EXOC4: variants seen among roughly 807,000 people sequenced by gnomAD.
EXOC4 encodes exocyst complex component 4, also known as SEC8-like 1.
A neutral mutation model predicts 107.2 loss-of-function variants in EXOC4; 71 were observed. The observed-to-expected ratio is 0.66, with a 90% CI of 0.55 to 0.81. The LOEUF (loss-of-function observed/expected upper bound fraction) is 0.81. Ranked by LOEUF, EXOC4 falls within the 30% of genes least tolerant of loss-of-function variation. The probability of loss-of-function intolerance (pLI) is 0.00; values close to 1 mark genes in which losing one functional copy is unlikely to be tolerated. For synonymous variants in EXOC4, 456 were observed against 441.2 expected, an observed-to-expected ratio of 1.03 and a Z score of -0.42; for missense variants, 1,108 against 1,189.6, an observed-to-expected ratio of 0.93 and a Z score of 1.01.
At chr7:133,972,695 T>G (rs886218361) in intron 14 of EXOC4, among the ~76,000 whole-genome samples, 36 of 152,336 alleles carry the variant, frequency 2.4e-4, no homozygotes, top group Middle Eastern at 3.4e-3. Flanking sequence ...CCCAGAAATT[T>G]TCACTGTCTA....
intron 9 of EXOC4, among the ~76,000 whole-genome samples, chr7:133,516,412 G>GTCTTT: frequency 6.6e-6 from 1 of 151,998 alleles, no homozygotes; most frequent in East Asian, 1.9e-4. Context: ...CTAAAAAATT[G>GTCTTT]TCTTTTCTGG....
At chr7:134,041,129 A>C (rs1795506755) in intron 17 of EXOC4, among the ~76,000 whole-genome samples, 1 of 152,214 alleles carries the variant, frequency 6.6e-6, no homozygotes, top group Non-Finnish European at 1.5e-5. Context: ...ATCCTAAATA[A>C]GGGAGACTTT....
At chr7:133,852,099 C>CT (rs1290954148) in intron 11 of EXOC4, among the ~76,000 whole-genome samples, 1 of 152,100 alleles carries the variant, frequency 6.6e-6, no homozygotes, top group African/African-American at 2.4e-5. Context: ...GTTCTCAAGC[C>CT]TTATTAGAAT....
intron 9 of EXOC4, among the ~76,000 whole-genome samples, chr7:133,604,724 T>C (rs1220501479): frequency 4.3e-5 from 5 of 115,800 alleles, no homozygotes; most frequent in African/African-American, 1.0e-4. Context: ...TTTTTTTTTT[T>C]TTTTTTTTTT....
chr7:133,672,485 G>A (rs1793970163), intron 10 of EXOC4, among the ~76,000 whole-genome samples: 1 of 151,884 alleles, frequency 6.6e-6, no homozygotes, highest in African/African-American at 2.4e-5. Context: ...TATGTGTGTA[G>A]TGGTTACTTA....
At chr7:133,428,030 C>A (rs1797767461) in intron 7 of EXOC4, among the ~76,000 whole-genome samples, 1 of 152,188 alleles carries the variant, frequency 6.6e-6, no homozygotes, top group South Asian at 2.1e-4. Context: ...GGGTATTTAA[C>A]TTCTCAACTT....
chr7:133,256,739 G>T (rs545461957), intron 1 of EXOC4, among the ~76,000 whole-genome samples: 1 of 152,128 alleles, frequency 6.6e-6, no homozygotes, highest in East Asian at 1.9e-4. Context: ...CTAACAGTTG[G>T]GGTAGCATTT....
the EXOC4 span, among the ~76,000 whole-genome samples, chr7:134,087,771 C>G: frequency 2.6e-4 from 39 of 152,154 alleles, no homozygotes; most frequent in African/African-American, 9.2e-4. Flanking sequence ...AATTTAATAA[C>G]AAGTGTACCA....
chr7:133,318,233 T>C (rs1795035686), intron 5 of EXOC4, among the ~76,000 whole-genome samples: 5 of 152,210 alleles, frequency 3.3e-5, no homozygotes, highest in Admixed American at 2.0e-4. Flanking sequence ...TTTGGAGATA[T>C]CCAATATCCT....
Position 133,702,750 on chromosome 7 carries a change from C to T in EXOC4, c.1514+72609C>T, listed in dbSNP as rs35665198. ...TAAAAATGCTTCCAGCAGAGTCATC[C>T]GTGGCTCCATAACAATTTTTGTCTT... On this transcript the variant is annotated intron_variant, in intron 10 of 17. Transcript: ENST00000253861. 7.1e-3 allele frequency among the ~76,000 whole-genome samples: 1,083 copies of T among 152,186 alleles called. 7 individuals are homozygous for T. The highest frequency in any genetic ancestry group is 0.031 in the Middle Eastern group (9 of 294).
intron 9 of EXOC4, among the ~76,000 whole-genome samples, chr7:133,516,626 A>T (rs1423001264): frequency 1.2e-4 from 18 of 152,060 alleles, no homozygotes; most frequent in Non-Finnish European, 2.6e-4. Context: ...TATGAATAAC[A>T]TTCATGTGCA....
intron 17 of EXOC4, among the ~76,000 whole-genome samples, chr7:134,014,303 G>T (rs1302066743): frequency 6.6e-6 from 1 of 152,070 alleles, no homozygotes; most frequent in Non-Finnish European, 1.5e-5. Flanking sequence ...ACTCGGGAGG[G>T]TGAGGCAGGA....
intron 7 of EXOC4, among the ~76,000 whole-genome samples, chr7:133,444,027 T>C (rs1316330160): frequency 2.6e-5 from 4 of 152,176 alleles, no homozygotes; most frequent in Non-Finnish European, 5.9e-5. Flanking sequence ...TCAGGAGACC[T>C]GTGTGTACTG....
At chr7:133,918,140 G>T (rs559630793) in intron 13 of EXOC4, among the ~76,000 whole-genome samples, 2 of 99,498 alleles carry the variant, frequency 2.0e-5, no homozygotes, top group Non-Finnish European at 3.8e-5. Flanking sequence ...CCACCACCAC[G>T]CCCGGCTAAT....
At chr7:133,693,054 T>C (rs1324859737) in intron 10 of EXOC4, among the ~76,000 whole-genome samples, 1 of 152,086 alleles carries the variant, frequency 6.6e-6, no homozygotes, top group Admixed American at 6.5e-5. Flanking sequence ...ATAGGATAGA[T>C]GTATATATGA....
At chr7:134,058,772 T>C (rs981236014) in intron 17 of EXOC4, among the ~76,000 whole-genome samples, 9 of 152,232 alleles carry the variant, frequency 5.9e-5, no homozygotes, top group Admixed American at 2.0e-4. Flanking sequence ...TTTTGCTTTT[T>C]ATAGTTTCAA....
chr7:133,821,944 T>C (rs144155937), intron 11 of EXOC4, among the ~76,000 whole-genome samples: 76 of 152,298 alleles, frequency 5.0e-4, no homozygotes, highest in Non-Finnish European at 7.6e-4. Context: ...TTTCTGCGCA[T>C]GGTATAAAAC....
chr7:133,909,919 ATTTTTTTTTT>A, intron 12 of EXOC4, among the ~76,000 whole-genome samples: 1 of 75,496 alleles, frequency 1.3e-5, no homozygotes, highest in South Asian at 4.7e-4. Context: ...GTTGAGACAG[ATTTTTTTTTT>A]TTTTTTTTTT....
the EXOC4 span, among the ~76,000 whole-genome samples, chr7:134,092,081 TTGTC>T: frequency 6.6e-6 from 1 of 152,178 alleles, no homozygotes. Flanking sequence ...ATATGTGACT[TTGTC>T]TGATTTCCAG....
Sources: gnomAD v4.1 joint callset for allele counts (sites outside exome capture counted in the v4.1 genomes callset) on GRCh38, gnomAD v4.1.1 for gene constraint, MANE v1.5 for transcripts, NCBI Gene and HGNC (gene_info 2026-07-23, HGNC 2026-07-21) for gene names.